CRACD: variants seen among roughly 807,000 people sequenced by gnomAD.
CRACD encodes the protein capping protein inhibiting regulator of actin dynamics.
A neutral mutation model predicts 106.8 loss-of-function variants in CRACD; 56 were observed. The observed-to-expected ratio is 0.52, with a 90% CI of 0.42 to 0.66. The LOEUF is 0.66. CRACD is among the 30% of genes least tolerant of loss of function. The pLI is 0.00. For missense variants in CRACD, 1,730 were observed against 1,623.2 expected, an observed-to-expected ratio of 1.07 and a Z score of -1.13; for synonymous variants, 754 against 670.8, an observed-to-expected ratio of 1.12 and a Z score of -1.92.
chr4:56,310,662 C>A lies in CRACD; in HGVS notation c.286-4C>A. ...TTGACTTGAATGCTCTCTTACTGTTCCAGTCCAGTGATACGCCAAGTTCTC... is the reference window on the plus strand; with the variant it reads ...TTGACTTGAATGCTCTCTTACTGTTACAGTCCAGTGATACGCCAAGTTCTC... On this transcript the variant is annotated splice_polypyrimidine_tract_variant and splice_region_variant and intron_variant, in intron 5 of 10. Transcript: ENST00000682029. 1.2e-6 allele frequency: 2 copies of A among 1,604,526 alleles called. No individual in the cohort carries two copies. Among genetic ancestry groups the A allele is most frequent in the South Asian group, 1.1e-5 (1 of 90,840 alleles).
intron 2 of CRACD, among the ~76,000 whole-genome samples, chr4:56,204,968 G>A (rs546361221): frequency 1.3e-5 from 2 of 152,210 alleles, no homozygotes; most frequent in South Asian, 4.2e-4. Context: ...ACCAGCCTGG[G>A]CAACATAGCA....
chr4:56,108,588 C>T (rs181883050), intron 1 of CRACD, among the ~76,000 whole-genome samples: 78 of 152,178 alleles, frequency 5.1e-4, no homozygotes, highest in East Asian at 3.5e-3. Flanking sequence ...ACCACCAAGA[C>T]GTGGAGACCG....
At chr4:56,268,686 A>G (rs1213986362) in intron 2 of CRACD, among the ~76,000 whole-genome samples, 1 of 152,234 alleles carries the variant, frequency 6.6e-6, no homozygotes, top group African/African-American at 2.4e-5. Context: ...TTCAATTAAT[A>G]CAGCAGTCAT....
rs749775575 is a variant in CRACD, at chr4:56,315,070, G to T, written c.1568G>T (p.Arg523Leu). Residue 523 changes from arginine (R) to leucine (L), a missense_variant, in exon 8 of 11, where the codon CGG (arginine) becomes CTG (leucine). Arg to Leu is a moderately radical substitution (Grantham distance 102). Coordinates refer to ENST00000682029, the MANE Select transcript of CRACD (RefSeq NM_001393381.1). The surrounding 1 kb of genome is among the most constrained non-coding windows in gnomAD (Gnocchi z 4.1). ...CAAGGCCGCAAGGTGGAGGAGCTGC[G>T]GTGGCAGGAGGTGGACGAGAGACAG... ...LEQGRKVEEL[R>L]WQEVDERQTM... 4.3e-6 allele frequency: 7 copies of T among 1,610,142 alleles called. No individual in the cohort carries two copies. The highest frequency in any genetic ancestry group is 5.9e-6 in the Non-Finnish European group (7 of 1,178,862).
chr4:56,258,070 G>GAA (rs549205047), intron 2 of CRACD, among the ~76,000 whole-genome samples: 3 of 110,208 alleles, frequency 2.7e-5, no homozygotes, highest in African/African-American at 1.0e-4. Flanking sequence ...CTCCATCTCA[G>GAA]AAAAAAAAAC....
At chr4:56,278,996 GTGT>G (rs1742842475) in intron 3 of CRACD, among the ~76,000 whole-genome samples, 1 of 152,186 alleles carries the variant, frequency 6.6e-6, no homozygotes, top group Non-Finnish European at 1.5e-5. Flanking sequence ...ACAGTAACAA[GTGT>G]TGATGAAGAT....
chr4:56,227,898 T>C (rs983900987), intron 2 of CRACD, among the ~76,000 whole-genome samples: 1 of 152,220 alleles, frequency 6.6e-6, no homozygotes, highest in East Asian at 1.9e-4. Context: ...TCTTTTTTTC[T>C]TTCCCTCTCC....
intron 1 of CRACD, among the ~76,000 whole-genome samples, chr4:56,064,161 G>T (rs1560440081): frequency 6.6e-6 from 1 of 152,176 alleles, no homozygotes; most frequent in Non-Finnish European, 1.5e-5. Flanking sequence ...AGAAACGTCT[G>T]TTCAAGTCCT....
intron 3 of CRACD, among the ~76,000 whole-genome samples, chr4:56,272,766 A>G (rs1742432933): frequency 6.6e-6 from 1 of 152,080 alleles, no homozygotes; most frequent in Non-Finnish European, 1.5e-5. Context: ...ATGGTGGTGT[A>G]CACCTGTAAT....
In CRACD at chr4:56,073,508, C is replaced by T. The variant is rs145952252; in HGVS notation, c.-336+24209C>T. The stretch of plus-strand genomic sequence containing the variant: ...AATTTTCATTGTGCAGATAAGGAAA[C>T]GGAGAGTCCTTATTCATATCCTTTG... On this transcript the variant is annotated intron_variant, in intron 1 of 10. Transcript: ENST00000682029. Among the ~76,000 whole-genome samples the T allele has an allele frequency of 4.6e-3, 705 of 152,086 alleles. 8 individuals carry two copies. Among genetic ancestry groups the T allele is most frequent in the African/African-American group, 0.015 (643 of 41,492 alleles).
chr4:56,205,692 G>C (rs541566469), intron 2 of CRACD, among the ~76,000 whole-genome samples: 2 of 152,234 alleles, frequency 1.3e-5, no homozygotes, highest in South Asian at 4.2e-4. Context: ...TGCCCAGGCT[G>C]TTCCTGAACT....
At chr4:56,073,814 T>C (rs1160942438) in intron 1 of CRACD, among the ~76,000 whole-genome samples, 1 of 152,214 alleles carries the variant, frequency 6.6e-6, no homozygotes, top group Non-Finnish European at 1.5e-5. Context: ...CCAGGTTCCT[T>C]CTAGGGTTTT....
chr4:56,121,783 CTAACT>C (rs767357028), intron 1 of CRACD, among the ~76,000 whole-genome samples: 11 of 152,178 alleles, frequency 7.2e-5, no homozygotes, highest in Non-Finnish European at 1.0e-4. Flanking sequence ...ATTCTGCAAA[CTAACT>C]TATCTGTAGA....
intron 3 of CRACD, among the ~76,000 whole-genome samples, chr4:56,291,997 T>A (rs1743726740): frequency 1.3e-5 from 2 of 152,064 alleles, no homozygotes; most frequent in South Asian, 4.1e-4. Context: ...TGAGGGAAAG[T>A]TTGGAATTTC....
chr4:56,309,368 T>C (rs548518907), intron 5 of CRACD, among the ~76,000 whole-genome samples: 1 of 152,124 alleles, frequency 6.6e-6, no homozygotes, highest in South Asian at 2.1e-4. Flanking sequence ...GCTGACATGG[T>C]TGCTCTGGAA....
chr4:56,109,495 C>A (rs1002916328), intron 1 of CRACD, among the ~76,000 whole-genome samples: 1 of 151,936 alleles, frequency 6.6e-6, no homozygotes, highest in Non-Finnish European at 1.5e-5. Context: ...GATTCTGGAG[C>A]AGAAAAGGGT....
At chr4:56,148,845 C>T (rs1407118065) in intron 1 of CRACD, among the ~76,000 whole-genome samples, 3 of 148,492 alleles carry the variant, frequency 2.0e-5, no homozygotes, top group African/African-American at 7.5e-5. Context: ...TGAGGAGTTT[C>T]GCTCTTGTTG....
At chr4:56,202,824 A>G (rs575413380) in intron 2 of CRACD, among the ~76,000 whole-genome samples, 65 of 152,334 alleles carry the variant, frequency 4.3e-4, no homozygotes, top group Non-Finnish European at 8.1e-4. Flanking sequence ...ATAGGAATAT[A>G]AAGATTATAA....
At chr4:56,154,963 T>C (rs1268270320) in intron 1 of CRACD, among the ~76,000 whole-genome samples, 1 of 152,186 alleles carries the variant, frequency 6.6e-6, no homozygotes, top group Non-Finnish European at 1.5e-5. Context: ...GGGATTCTTT[T>C]TTACCTATTG....
Sources: allele counts gnomAD v4.1 joint callset (sites outside exome capture counted in the v4.1 genomes callset), GRCh38; gene constraint gnomAD v4.1.1; non-coding constraint Gnocchi (gnomAD v3.1); transcripts MANE v1.5; gene names NCBI Gene and HGNC (gene_info 2026-07-23, HGNC 2026-07-21).